Variants in RPH3AL observed in about 807,000 individuals in gnomAD.
The protein encoded by RPH3AL is rabphilin 3A like (without C2 domains).
In RPH3AL, 38 loss-of-function variants were observed where a neutral mutation model predicts 43.1. That is an observed-to-expected ratio of 0.88 (90% CI 0.68 to 1.15). The LOEUF is 1.15. Ranked by LOEUF, RPH3AL falls within the 50% of genes most tolerant of loss-of-function variation. The pLI, the probability that RPH3AL is intolerant of heterozygous loss-of-function variation, is 0.00. For missense variants in RPH3AL, 462 were observed against 423.2 expected, an observed-to-expected ratio of 1.09 and a Z score of -0.81; for synonymous variants, 189 against 176.3, an observed-to-expected ratio of 1.07 and a Z score of -0.57.
chr17:290,865 A>G lies in RPH3AL; in HGVS notation c.352-9011T>C, dbSNP rs540142707. 3.9e-5 allele frequency among the ~76,000 whole-genome samples: 6 copies of G among 152,254 alleles called. No individual in the cohort carries two copies. The highest frequency in any genetic ancestry group is 1.4e-4 in the African/African-American group (6 of 41,546). ...GCCTCACACTCCTGGACGGGCCGGG[A>G]CAGCTTCACAGCGTCACCATCCATG... is the stretch of plus-strand genomic sequence containing the variant. On this transcript the variant is annotated intron_variant, in intron 5 of 9. Coordinates refer to ENST00000331302, the MANE Select transcript of RPH3AL (RefSeq NM_006987.4). This position sits in a 1 kb window ranked among gnomAD's most constrained non-coding sequence, Gnocchi z 4.2.
intron 5 of RPH3AL, among the ~76,000 whole-genome samples, chr17:294,118 TC>T (rs1029752483): frequency 1.3e-5 from 2 of 152,158 alleles, no homozygotes; most frequent in Non-Finnish European, 2.9e-5. Context: ...CTCCAGGGGT[TC>T]CTGAGTTCAT....
chr17:284,627 G>A lies in RPH3AL; in HGVS notation c.352-2773C>T, dbSNP rs1226396800. On this transcript the variant is annotated intron_variant, in intron 5 of 9. Transcript: ENST00000331302. ...AGAGGTTTCCAGCTGTCAGCAGGAG[G>A]CCCGGCAGCCTCTCCATTGCACCCC... is the stretch of plus-strand genomic sequence containing the variant. 3.9e-5 allele frequency among the ~76,000 whole-genome samples: 6 copies of A among 152,052 alleles called. No homozygotes were observed. In the East Asian group the frequency reaches 5.8e-4, roughly 15 times the overall value.
In RPH3AL at chr17:233,854, C is replaced by CCCGAGCAGGGAGCGG. The variant is rs1306800706; in HGVS notation, c.613+13256_613+13257insCCGCTCCCTGCTCGG. 3.8e-4 allele frequency among the ~76,000 whole-genome samples: 53 copies of CCCGAGCAGGGAGCGG among 138,910 alleles called. 2 individuals are homozygous for CCCGAGCAGGGAGCGG. Among genetic ancestry groups the CCCGAGCAGGGAGCGG allele is most frequent in the African/African-American group, 5.6e-4 (19 of 33,832 alleles). 91.1% of individuals were successfully genotyped at this position (138,910 alleles called of 152,430 possible). A position where few individuals can be genotyped will look rare whatever the true frequency, so the allele number is the denominator to read the frequency against. ...GCGGCTACTTCCCCTGACCAACTTC[C>CCCGAGCAGGGAGCGG]CTGAGCAGGGAGCGGCTACTTCCCC... On this transcript the variant is annotated intron_variant, in intron 7 of 9. Transcript: ENST00000331302.
intron 5 of RPH3AL, among the ~76,000 whole-genome samples, chr17:315,341 TCC>T (rs2043952061): frequency 7.6e-6 from 1 of 131,012 alleles, no homozygotes; most frequent in Non-Finnish European, 1.7e-5. Context: ...TGACCTGTAG[TCC>T]CTGTGACTCC....
intron 5 of RPH3AL, among the ~76,000 whole-genome samples, chr17:313,348 C>G (rs2043694155): frequency 6.6e-6 from 1 of 152,196 alleles, no homozygotes; most frequent in Non-Finnish European, 1.5e-5. Context: ...TAAGTGAAAT[C>G]TCAGCTCCTG....
intron 5 of RPH3AL, among the ~76,000 whole-genome samples, chr17:285,379 G>C (rs1371760390): frequency 1.3e-5 from 2 of 152,178 alleles, no homozygotes; most frequent in Admixed American, 6.6e-5. Flanking sequence ...CAGCTGTAAA[G>C]TGGGATAATA....
chr17:226,578 G>T lies in RPH3AL; in HGVS notation c.614-6842C>A, dbSNP rs555542872. Among the ~76,000 whole-genome samples, 10 of 152,334 alleles carry T rather than the reference G, an allele frequency of 6.6e-5. No individual in the cohort carries two copies. In the South Asian group the frequency reaches 1.7e-3, roughly 25 times the overall value. On this transcript the variant is annotated intron_variant, in intron 7 of 9. Coordinates refer to ENST00000331302, the MANE Select transcript of RPH3AL (RefSeq NM_006987.4). ...AGCCTTGGCATTTACTGGCAGGGCG[G>T]AAGGGCCACACCGAGCAAACCCTGC...
Position 321,307 on chromosome 17 carries a change from T to C in RPH3AL, c.186A>G (p.Ala62=), listed in dbSNP as rs73971738. Residue 62 remains alanine, a synonymous_variant, in exon 4 of 10, where the codon GCA becomes GCG. Transcript: ENST00000331302. ...GCTGCTCCAGGACGTCGAGCCGCTC[T>C]GCCCTCTGGATGACCTGCAGGATGG... ...VEAILQVIQR[A]ERLDVLEQQR... 3 of 1,610,674 alleles carry C rather than the reference T, an allele frequency of 1.9e-6. 1 individual carries two copies. The highest frequency in any genetic ancestry group is 3.3e-5 in the Admixed American group (2 of 60,014).
intron 6 of RPH3AL, among the ~76,000 whole-genome samples, chr17:252,780 C>T (rs181933832): frequency 2.6e-5 from 4 of 152,222 alleles, no homozygotes; most frequent in East Asian, 3.9e-4. Flanking sequence ...TGAATTTTTC[C>T]GAATTTTAGA....
rs777184439 is a variant in RPH3AL at position 319,506 on chromosome 17, C to T, written c.265G>A (p.Gly89Arg). The change falls in exon 5 of 10, where the codon GGG becomes AGG. Residue 89 changes from glycine (G) to arginine (R), a missense_variant. Transcript: ENST00000331302. ...RLETMRRNVM[G>R]NGLSQCLLCG... Reference sequence around the variant, plus strand: ...AGCAGACACTGGGACAGGCCGTTCCCCATCACATTCCGCCTCATGGTCTCC... The same window carrying T: ...AGCAGACACTGGGACAGGCCGTTCCTCATCACATTCCGCCTCATGGTCTCC... The T allele has an allele frequency of 6.2e-7, 1 of 1,612,386 alleles. No individual in the cohort carries two copies. The highest frequency in any genetic ancestry group is 1.3e-5 in the African/African-American group (1 of 75,020).
intron 5 of RPH3AL, among the ~76,000 whole-genome samples, chr17:300,927 C>T (rs2043313907): frequency 6.6e-6 from 1 of 151,890 alleles, no homozygotes; most frequent in African/African-American, 2.4e-5. Flanking sequence ...CTAGCAGGGG[C>T]TGCCACAGCC....
chr17:266,543 C>T (rs2042328732), intron 6 of RPH3AL, among the ~76,000 whole-genome samples: 1 of 152,220 alleles, frequency 6.6e-6, no homozygotes, highest in Admixed American at 6.5e-5. Flanking sequence ...TGCCCCTGTC[C>T]TTTCTTCCAA....
chr17:298,094 A>G (rs528979381), intron 5 of RPH3AL, among the ~76,000 whole-genome samples: 1 of 152,168 alleles, frequency 6.6e-6, no homozygotes, highest in Admixed American at 6.5e-5. Flanking sequence ...CACCTGGCAA[A>G]CTTCTACACA....
At chr17:348,637 G>A (rs1272703239) in intron 1 of RPH3AL, among the ~76,000 whole-genome samples, 3 of 151,970 alleles carry the variant, frequency 2.0e-5, no homozygotes, top group African/African-American at 7.3e-5. Context: ...TCATCAATGC[G>A]GAAGAATCTT....
At chr17:296,017 AG>A (rs1217159343) in intron 5 of RPH3AL, among the ~76,000 whole-genome samples, 21 of 138,032 alleles carry the variant, frequency 1.5e-4, no homozygotes, top group African/African-American at 5.8e-4. Context: ...GGACGGGCAG[AG>A]GGAATGCACT....
In RPH3AL at chr17:347,171, T is replaced by C. The variant is rs1271845899; in HGVS notation, c.-213+5541A>G. On this transcript the variant is annotated intron_variant, in intron 1 of 9. Coordinates refer to ENST00000331302, the MANE Select transcript of RPH3AL (RefSeq NM_006987.4). ...TATTCAGGAGGCTGAGGCAGGAGAA[T>C]GGCGTGAACCCGGGAGGCAGAGGTT... is the stretch of plus-strand genomic sequence containing the variant. Among the ~76,000 whole-genome samples the C allele has an allele frequency of 1.9e-5, 2 of 103,816 alleles. 1 individual carries two copies. The highest frequency in any genetic ancestry group is 4.7e-5 in the Non-Finnish European group (2 of 42,948). 68.1% of individuals were successfully genotyped at this position (103,816 alleles called of 152,430 possible).
At chr17:270,922 G>A (rs1257824507) in intron 6 of RPH3AL, among the ~76,000 whole-genome samples, 6 of 152,168 alleles carry the variant, frequency 3.9e-5, no homozygotes, top group African/African-American at 1.4e-4. Flanking sequence ...TAACATTTAA[G>A]TCTTTAATCC....
chr17:318,778 T>A (rs2044374979), intron 5 of RPH3AL, among the ~76,000 whole-genome samples: 1 of 152,206 alleles, frequency 6.6e-6, no homozygotes, highest in South Asian at 2.1e-4. Flanking sequence ...CACAATTTAG[T>A]ATAAGAAGAA....
chr17:277,800 C>CA (rs1194276691), intron 6 of RPH3AL, among the ~76,000 whole-genome samples: 3 of 151,832 alleles, frequency 2.0e-5, no homozygotes, highest in African/African-American at 7.3e-5. Context: ...TACAAAAATG[C>CA]AAAAAATTAG....
Sources: gnomAD v4.1 joint callset for allele counts (sites outside exome capture counted in the v4.1 genomes callset) on GRCh38, gnomAD v4.1.1 for gene constraint, Gnocchi (gnomAD v3.1) non-coding constraint, MANE v1.5 for transcripts, NCBI Gene and HGNC (gene_info 2026-07-23, HGNC 2026-07-21) for gene names.